Variants in TNFRSF21 observed in about 807,000 individuals in gnomAD.
TNFRSF21 encodes tumor necrosis factor receptor superfamily member 21.
A neutral mutation model predicts 45.6 loss-of-function variants in TNFRSF21; 19 were observed. That is an observed-to-expected ratio of 0.42 (90% CI 0.29 to 0.61). The LOEUF (loss-of-function observed/expected upper bound fraction) is 0.61. Ranked by LOEUF, TNFRSF21 falls within the 20% of genes least tolerant of loss-of-function variation. TNFRSF21 has a pLI of 0.23. For missense variants in TNFRSF21, 737 were observed against 851.5 expected (o/e 0.87, Z 1.67); for synonymous variants, 314 against 335.5 (o/e 0.94, Z 0.70).
rs796217756 is a variant in TNFRSF21, at chr6:47,284,164, G to C, written c.1017C>G (p.Asn339Lys). The C allele has an allele frequency of 3.1e-6, 5 of 1,614,208 alleles. No homozygotes were observed. The highest frequency in any genetic ancestry group is 4.2e-6 in the Non-Finnish European group (5 of 1,180,030). The change falls in exon 3 of 6, where the codon AAC (asparagine) becomes AAG (lysine). Residue 339 changes from asparagine to lysine, a missense_variant. By Grantham distance (94) the Asn-to-Lys change is moderately conservative. Transcript: ENST00000296861. Reference protein sequence around the residue: ...KGPKRGHPRQNLHKHFDINEH... With the variant: ...KGPKRGHPRQKLHKHFDINEH... Reference sequence around the variant, plus strand: ...CATTGATGTCAAAATGCTTGTGTAGGTTCTGTCTAGGATGTCCCCTCTTGG... The same window carrying C: ...CATTGATGTCAAAATGCTTGTGTAGCTTCTGTCTAGGATGTCCCCTCTTGG...
intron 1 of TNFRSF21, among the ~76,000 whole-genome samples, chr6:47,290,621 C>T (rs561315933): frequency 1.3e-5 from 2 of 152,278 alleles, no homozygotes; most frequent in Admixed American, 6.5e-5. Context: ...AAGCAAAACT[C>T]GGCCCTGTTT....
intron 4 of TNFRSF21, among the ~76,000 whole-genome samples, chr6:47,237,789 C>A (rs1309211813): frequency 2.0e-5 from 3 of 152,050 alleles, no homozygotes; most frequent in African/African-American, 4.8e-5. Context: ...AACCAGTTGA[C>A]CTATAATACT....
At chr6:47,306,909 C>G (rs1218502546) in intron 1 of TNFRSF21, among the ~76,000 whole-genome samples, 1 of 152,158 alleles carries the variant, frequency 6.6e-6, no homozygotes, top group Non-Finnish European at 1.5e-5. Context: ...TTCTGAGTAC[C>G]CTGCCACGTG....
intron 4 of TNFRSF21, among the ~76,000 whole-genome samples, chr6:47,241,704 TTTTC>T (rs1045157624): frequency 6.6e-6 from 1 of 152,208 alleles, no homozygotes; most frequent in Non-Finnish European, 1.5e-5. Context: ...TGCTTCCAAA[TTTTC>T]TTTGCTTCGT....
In TNFRSF21 at chr6:47,304,614, T is replaced by C. The variant is rs377478664; in HGVS notation, c.96+4802A>G. ...AATATACAGCATTAACTGTGCTTAC[T>C]ATATCCTGCTTGATAGACTTTGTCT... On this transcript the variant is annotated intron_variant, in intron 1 of 5. Coordinates refer to ENST00000296861, the MANE Select transcript of TNFRSF21 (RefSeq NM_014452.5). Among the ~76,000 whole-genome samples, 20 of 151,768 alleles carry C rather than the reference T, an allele frequency of 1.3e-4. 1 individual carries two copies. The South Asian group carries it at 3.1e-3, about 24-fold the overall frequency.
intron 1 of TNFRSF21, among the ~76,000 whole-genome samples, chr6:47,290,261 C>A (rs540820803): frequency 1.2e-3 from 190 of 152,030 alleles, no homozygotes; most frequent in African/African-American, 4.4e-3. Flanking sequence ...CGATGAATAT[C>A]ACTCTGATGT....
chr6:47,245,432 G>A (rs1764809329), intron 4 of TNFRSF21, among the ~76,000 whole-genome samples: 1 of 117,400 alleles, frequency 8.5e-6, no homozygotes, highest in Admixed American at 7.9e-5. Context: ...GAAGAAGTGT[G>A]TGTGTGTGTG....
chr6:47,245,438 GTGTGTGTGTGTGTGTGTGTT>G (rs912101814), intron 4 of TNFRSF21, among the ~76,000 whole-genome samples: 17 of 142,958 alleles, frequency 1.2e-4, no homozygotes, highest in African/African-American at 4.3e-4. Flanking sequence ...GTGTGTGTGT[GTGTGTGTGTGTGTGTGTGTT>G]TGTGTGTGTG....
At chr6:47,268,078 A>T (rs1762361144) in intron 3 of TNFRSF21, among the ~76,000 whole-genome samples, 1 of 152,208 alleles carries the variant, frequency 6.6e-6, no homozygotes, top group African/African-American at 2.4e-5. Flanking sequence ...GAAGGGTAAG[A>T]GTGAGATGCA....
chr6:47,247,015 G>T (rs1764834523), intron 4 of TNFRSF21, among the ~76,000 whole-genome samples: 1 of 152,134 alleles, frequency 6.6e-6, no homozygotes, highest in Admixed American at 6.5e-5. Flanking sequence ...TTATTGAAAG[G>T]CATTGACCAC....
intron 1 of TNFRSF21, among the ~76,000 whole-genome samples, chr6:47,305,336 C>A (rs1762923578): frequency 6.6e-6 from 1 of 152,142 alleles, no homozygotes; most frequent in Non-Finnish European, 1.5e-5. Context: ...GCAGTCACTT[C>A]CCCAGTAGAG....
intron 3 of TNFRSF21, among the ~76,000 whole-genome samples, chr6:47,264,810 C>T (rs538870198): frequency 2.6e-5 from 4 of 152,186 alleles, no homozygotes; most frequent in East Asian, 1.9e-4. Context: ...GGGATGGGGG[C>T]GGGGGTGAGA....
chr6:47,266,699 A>T (rs1001684412), intron 3 of TNFRSF21, among the ~76,000 whole-genome samples: 4 of 152,172 alleles, frequency 2.6e-5, no homozygotes, highest in African/African-American at 9.7e-5. Flanking sequence ...TAAAATACAG[A>T]AGGGGTTGGT....
rs1164380285 is a variant in TNFRSF21 at position 47,287,307 on chromosome 6, CAAAAAAAAAA to C, written c.97-722_97-713del. Among the ~76,000 whole-genome samples, 29 of 20,872 alleles carry C rather than the reference CAAAAAAAAAA, an allele frequency of 1.4e-3. 1 individual carries two copies. The highest frequency in any genetic ancestry group is 2.5e-3 in the Non-Finnish European group (22 of 8,814). The allele number at this position is 20,872 out of a possible 152,430, so 13.7% of individuals were successfully genotyped here. ...GGGTGACAAGAGTGAAACTCTTTCT[CAAAAAAAAAA>C]AAAAAAAAAAAAAAAAAGAAAAGAA... On this transcript the variant is annotated intron_variant, in intron 1 of 5. Coordinates refer to ENST00000296861, the MANE Select transcript of TNFRSF21 (RefSeq NM_014452.5).
chr6:47,253,168 AT>A (rs1764926754), intron 4 of TNFRSF21, 87 bp downstream of exon 4: 1 of 1,478,418 alleles, frequency 6.8e-7, no homozygotes, highest in South Asian at 1.3e-5. Context: ...CGAATATGTT[AT>A]TTTTCTTTGT....
chr6:47,297,093 G>A (rs752945139), intron 1 of TNFRSF21, among the ~76,000 whole-genome samples: 19 of 152,182 alleles, frequency 1.2e-4, no homozygotes, highest in Non-Finnish European at 2.1e-4. Flanking sequence ...CACTACTTCC[G>A]GGTAGATAGG....
rs537142537 is a variant in TNFRSF21, at chr6:47,302,870, A to G, written c.96+6546T>C. On this transcript the variant is annotated intron_variant, in intron 1 of 5. Coordinates refer to ENST00000296861, the MANE Select transcript of TNFRSF21 (RefSeq NM_014452.5). ...TCCAGCAGTTGCCAACTGCATGACC[A>G]TAAGATTTCTCAAACTCCATTCCCT... Among the ~76,000 whole-genome samples the G allele has an allele frequency of 5.3e-5, 8 of 152,330 alleles. 1 individual carries two copies. The South Asian group carries it at 8.3e-4, about 16-fold the overall frequency.
At chr6:47,233,544 TA>T (rs1258425741) in intron 5 of TNFRSF21, among the ~76,000 whole-genome samples, 4 of 152,024 alleles carry the variant, frequency 2.6e-5, no homozygotes, top group Non-Finnish European at 5.9e-5. Flanking sequence ...TAAAAGCACA[TA>T]AATAAGAAAA....
At chr6:47,285,440 T>G (rs1291459918) in intron 2 of TNFRSF21, among the ~76,000 whole-genome samples, 1 of 152,156 alleles carries the variant, frequency 6.6e-6, no homozygotes, top group Non-Finnish European at 1.5e-5. Context: ...CTTCTAACTT[T>G]CCTACCCATT....
Sources: gnomAD v4.1 joint callset for allele counts (sites outside exome capture counted in the v4.1 genomes callset) on GRCh38, gnomAD v4.1.1 for gene constraint, MANE v1.5 for transcripts, NCBI Gene and HGNC (gene_info 2026-07-23, HGNC 2026-07-21) for gene names.